AK4: variants seen among roughly 807,000 people sequenced by gnomAD.
AK4 encodes the protein adenylate kinase 4, mitochondrial.
In AK4, 13 loss-of-function variants were observed where a neutral mutation model predicts 24.6. The observed-to-expected ratio is 0.53, with a 90% CI of 0.34 to 0.84. The LOEUF (loss-of-function observed/expected upper bound fraction) is 0.84. AK4 is among the 40% of genes least tolerant of loss of function. The pLI is 0.01. For missense variants in AK4, 192 were observed against 288.2 expected, an observed-to-expected ratio of 0.67 and a Z score of 2.42; for synonymous variants, 88 against 107.0, an observed-to-expected ratio of 0.82 and a Z score of 1.10.
At chr1:65,183,941 T>A (rs1376032215) in intron 1 of AK4, among the ~76,000 whole-genome samples, 2 of 152,164 alleles carry the variant, frequency 1.3e-5, no homozygotes, top group African/African-American at 2.4e-5. Context: ...ACAAAATATC[T>A]TTCCATATCC....
chr1:65,230,797 G>A lies in AK4; in HGVS notation c.*4620G>A, dbSNP rs1652620160. The A allele has an allele frequency of 6.6e-6, 1 of 152,284 alleles. No homozygotes were observed. The highest frequency in any genetic ancestry group is 2.4e-5 in the African/African-American group (1 of 41,554). The allele number at this position is 152,284 out of a possible 1,614,324, so 9.4% of individuals were successfully genotyped here. On this transcript the variant is annotated 3_prime_UTR_variant, in exon 5 of 5. Coordinates refer to ENST00000327299, the MANE Select transcript of AK4 (RefSeq NM_013410.4). ...GAAATGGGCACTCAGAGTCACACTG[G>A]TAGTTGCACACTGTATCTACAGAGG...
intron 1 of AK4, among the ~76,000 whole-genome samples, chr1:65,167,760 C>T (rs974005453): frequency 6.6e-6 from 1 of 152,230 alleles, no homozygotes; most frequent in Non-Finnish European, 1.5e-5. Flanking sequence ...CTCGCCTTCT[C>T]TGGAAACAGG....
At chr1:65,181,952 G>T (rs1413391866) in intron 1 of AK4, among the ~76,000 whole-genome samples, 1 of 152,216 alleles carries the variant, frequency 6.6e-6, no homozygotes, top group South Asian at 2.1e-4. Flanking sequence ...GCCTCTCTCT[G>T]TTGCCCAGGC....
intron 1 of AK4, among the ~76,000 whole-genome samples, chr1:65,178,219 T>G (rs1650782524): frequency 6.6e-6 from 1 of 152,192 alleles, no homozygotes; most frequent in Admixed American, 6.5e-5. Context: ...TAATCTGCTC[T>G]GGAGGATTTG....
At chr1:65,207,152 G>A (rs969525908) in intron 2 of AK4, among the ~76,000 whole-genome samples, 2 of 152,172 alleles carry the variant, frequency 1.3e-5, no homozygotes, top group Middle Eastern at 3.2e-3. Flanking sequence ...TCACCAAGTA[G>A]TGATTGTAGC....
At chr1:65,186,738 G>A (rs149675313) in intron 1 of AK4, among the ~76,000 whole-genome samples, 122 of 152,274 alleles carry the variant, frequency 8.0e-4, no homozygotes, top group African/African-American at 2.8e-3. Flanking sequence ...GAGTGGGACA[G>A]CACCCAGGTT....
At chr1:65,203,192 A>T (rs1304907367) in intron 2 of AK4, among the ~76,000 whole-genome samples, 1 of 152,002 alleles carries the variant, frequency 6.6e-6, no homozygotes, top group Admixed American at 6.6e-5. Context: ...TGAGCAAGCA[A>T]AGTTTTCTTT....
At position 65,229,065 on chromosome 1, in the gene AK4, CAG is replaced by C. The variant is rs1351812724; in HGVS notation, c.*2889_*2890del. On this transcript the variant is annotated 3_prime_UTR_variant, in exon 5 of 5. Coordinates refer to ENST00000327299, the MANE Select transcript of AK4 (RefSeq NM_013410.4). ...ATTTCACGTTGATAAACAAAGAAGA[CAG>C]GGGTCCCAGGGATGTGAAGCATCTT... 1 of 152,142 alleles carries C rather than the reference CAG, an allele frequency of 6.6e-6. No individual in the cohort carries two copies. The highest frequency in any genetic ancestry group is 1.9e-4 in the East Asian group (1 of 5,194). 9.4% of individuals were successfully genotyped at this position (152,142 alleles called of 1,614,324 possible).
Position 65,231,052 on chromosome 1 carries a change from A to G in AK4, c.*4875A>G, listed in dbSNP as rs544725366. 1.3e-5 allele frequency: 2 copies of G among 152,162 alleles called. No homozygotes were observed. Among genetic ancestry groups the G allele is most frequent in the East Asian group, 1.9e-4 (1 of 5,186 alleles). 9.4% of individuals were successfully genotyped at this position (152,162 alleles called of 1,614,324 possible). On this transcript the variant is annotated 3_prime_UTR_variant, in exon 5 of 5. Coordinates refer to ENST00000327299, the MANE Select transcript of AK4 (RefSeq NM_013410.4). ...CTATTTGGTGTCTTTAAAAAAAATA[A>G]CCTAGTAATAAAGACTTCTTTTAAT...
intron 1 of AK4, among the ~76,000 whole-genome samples, chr1:65,167,229 T>G (rs968571944): frequency 6.6e-6 from 1 of 152,220 alleles, no homozygotes. Context: ...TCAGGATCTT[T>G]TAATATGCTG....
rs765899833 is a variant in AK4, at chr1:65,190,844, T to A, written c.265+15T>A. On this transcript the variant is annotated intron_variant, in intron 2 of 4. Coordinates refer to ENST00000327299, the MANE Select transcript of AK4 (RefSeq NM_013410.4). ...GCTCCTTGATGGTGAGTTGAAACTGTGGGTAAACCGAATTTCTGGGAATAG... is the reference window on the plus strand; with the variant it reads ...GCTCCTTGATGGTGAGTTGAAACTGAGGGTAAACCGAATTTCTGGGAATAG... 9 of 1,611,562 alleles carry A rather than the reference T, an allele frequency of 5.6e-6. No homozygotes were observed. The African/African-American group carries it at 1.1e-4, about 19-fold the overall frequency.
intron 1 of AK4, among the ~76,000 whole-genome samples, chr1:65,179,872 C>G (rs1190811407): frequency 6.6e-6 from 1 of 152,128 alleles, no homozygotes; most frequent in Non-Finnish European, 1.5e-5. Context: ...TAGAACAACC[C>G]TTGGCACATA....
At position 65,196,581 on chromosome 1, in the gene AK4, CAGCCT is replaced by C. The variant is rs1414187368; in HGVS notation, c.265+5753_265+5757del. The stretch of plus-strand genomic sequence containing the variant: ...CTGGGTTCAAGCGATTCTCCTTCCT[CAGCCT>C]CCTGAGTAGCTGGGATTACAGGTGC... On this transcript the variant is annotated intron_variant, in intron 2 of 4. Coordinates refer to ENST00000327299, the MANE Select transcript of AK4 (RefSeq NM_013410.4). Among the ~76,000 whole-genome samples the C allele has an allele frequency of 3.9e-5, 6 of 152,282 alleles. No homozygotes were observed. In the East Asian group the frequency reaches 1.2e-3, roughly 29 times the overall value.
At chr1:65,204,201 GA>G (rs982526810) in intron 2 of AK4, among the ~76,000 whole-genome samples, 2 of 149,342 alleles carry the variant, frequency 1.3e-5, no homozygotes, top group African/African-American at 5.0e-5. Context: ...TAATCTTACT[GA>G]ATTTTTTTTT....
chr1:65,151,648 C>T (rs186901661), intron 1 of AK4, among the ~76,000 whole-genome samples: 94 of 152,254 alleles, frequency 6.2e-4, no homozygotes, highest in Middle Eastern at 3.4e-3. Context: ...AGGAGCTTAC[C>T]GAGTCTGTAT....
chr1:65,195,923 A>G (rs993551281), intron 2 of AK4, among the ~76,000 whole-genome samples: 1 of 152,172 alleles, frequency 6.6e-6, no homozygotes, highest in African/African-American at 2.4e-5. Context: ...TGCTTTTGCC[A>G]TGACTTCCTC....
chr1:65,148,828 G>A (rs1380225317), intron 1 of AK4, among the ~76,000 whole-genome samples: 1 of 152,054 alleles, frequency 6.6e-6, no homozygotes, highest in Non-Finnish European at 1.5e-5. Flanking sequence ...CCGGCCGAGG[G>A]AACGAGAACT....
chr1:65,201,764 C>G (rs1449626643), intron 2 of AK4, among the ~76,000 whole-genome samples: 2 of 152,040 alleles, frequency 1.3e-5, no homozygotes, highest in Non-Finnish European at 2.9e-5. Context: ...AGGAAGGCTT[C>G]CTGGAGAAGC....
At chr1:65,178,321 G>C (rs188833592) in intron 1 of AK4, among the ~76,000 whole-genome samples, 1 of 152,342 alleles carries the variant, frequency 6.6e-6, no homozygotes, top group East Asian at 1.9e-4. Context: ...CTGTTGAGGG[G>C]AACCTGGCTA....
Sources: allele counts gnomAD v4.1 joint callset (sites outside exome capture counted in the v4.1 genomes callset), GRCh38; gene constraint gnomAD v4.1.1; transcripts MANE v1.5; gene names NCBI Gene and HGNC (gene_info 2026-07-23, HGNC 2026-07-21).